The following SLC35F2 variants were observed in gnomAD, a reference collection of about 807,000 sequenced individuals.
SLC35F2 encodes queuine/queuosine transporter SLC35F2.
Under a neutral mutation model 38.1 loss-of-function variants are expected in SLC35F2, and 25 were observed. The ratio of observed to expected loss-of-function variants is 0.66; its 90% confidence interval spans 0.48 to 0.92. The LOEUF (loss-of-function observed/expected upper bound fraction) is 0.92, where lower values mean the gene tolerates loss of function less well. Among genes scored for constraint, SLC35F2 ranks in the 40% least tolerant of loss-of-function variants. SLC35F2 has a pLI of 0.00. For missense variants in SLC35F2, 409 were observed against 452.9 expected (o/e 0.90, Z 0.88); for synonymous variants, 173 against 181.7 (o/e 0.95, Z 0.38).
intron 2 of SLC35F2, among the ~76,000 whole-genome samples, chr11:107,814,470 AAAAG>A (rs1259420728): frequency 6.6e-6 from 1 of 151,934 alleles, no homozygotes; most frequent in Admixed American, 6.6e-5. Context: ...AAAAAAAAAA[AAAAG>A]AAGAAGCTGC....
chr11:107,822,114 A>G (rs1174321578), intron 1 of SLC35F2, among the ~76,000 whole-genome samples: 1 of 152,166 alleles, frequency 6.6e-6, no homozygotes, highest in East Asian at 1.9e-4. Context: ...GTGGTGGCAC[A>G]TGCCTGTAAT....
At chr11:107,792,898 CTTT>C (rs1859155342) in intron 7 of SLC35F2, 98 bp from the exon 8 acceptor site, 3 of 1,363,074 alleles carry the variant, frequency 2.2e-6, no homozygotes, top group Non-Finnish European at 2.8e-6. Flanking sequence ...CTCTCATAAT[CTTT>C]TTATTTTCTT....
intron 1 of SLC35F2, among the ~76,000 whole-genome samples, chr11:107,824,722 AG>A (rs1396850371): frequency 6.6e-6 from 1 of 152,226 alleles, no homozygotes; most frequent in African/African-American, 2.4e-5. Flanking sequence ...AACCTATAAA[AG>A]TACCTAGCAC....
intron 1 of SLC35F2, among the ~76,000 whole-genome samples, chr11:107,839,065 C>T (rs1221163920): frequency 6.6e-6 from 1 of 152,208 alleles, no homozygotes; most frequent in Non-Finnish European, 1.5e-5. Context: ...AGTAAGTCTA[C>T]ATTTTTCCCG....
Position 107,792,161 on chromosome 11 carries a change from C to CAAAAAAA in SLC35F2, c.*447_*453dup, listed in dbSNP as rs11371777. Reference sequence around the variant, plus strand: ...GGCCTGTGGACAATAACTGCCTCAGCAAAAAAAAAAAAAAAAAAAAACCTT... The same window carrying CAAAAAAA: ...GGCCTGTGGACAATAACTGCCTCAGCAAAAAAAAAAAAAAAAAAAAAAAAAAAACCTT... On this transcript the variant is annotated 3_prime_UTR_variant, in exon 8 of 8. Transcript: ENST00000525815. 9 of 78,086 alleles carry CAAAAAAA rather than the reference C, an allele frequency of 1.2e-4. No individual in the cohort carries two copies. The East Asian group carries it at 2.5e-3, about 21-fold the overall frequency. The allele number at this position is 78,086 out of a possible 1,614,324, so 4.8% of individuals were successfully genotyped here. A position where few individuals can be genotyped will look rare whatever the true frequency, so the allele number is the denominator to read the frequency against.
intron 5 of SLC35F2, 38 bp downstream of exon 5, chr11:107,805,321 G>A (rs1180323056): frequency 6.4e-7 from 1 of 1,562,142 alleles, no homozygotes; most frequent in Non-Finnish European, 8.6e-7. Context: ...TAATATATTT[G>A]CTTATTTTGT....
Position 107,848,488 on chromosome 11 carries a change from G to A in SLC35F2, c.110+10170C>T, listed in dbSNP as rs1289299893. On this transcript the variant is annotated intron_variant, in intron 1 of 7. Transcript: ENST00000525815. ...GGCCTCTGGGAGATGATAAGGTCATGAAGGTGGAGTCTACATAAATGGGAT... is the reference window on the plus strand; with the variant it reads ...GGCCTCTGGGAGATGATAAGGTCATAAAGGTGGAGTCTACATAAATGGGAT... 3.3e-5 allele frequency among the ~76,000 whole-genome samples: 5 copies of A among 152,298 alleles called. No individual in the cohort carries two copies. The South Asian group carries it at 6.2e-4, about 19-fold the overall frequency.
intron 1 of SLC35F2, among the ~76,000 whole-genome samples, chr11:107,838,761 T>G (rs1859969145): frequency 1.3e-5 from 2 of 151,806 alleles, no homozygotes; most frequent in South Asian, 4.1e-4. Flanking sequence ...CCCAAGTAGC[T>G]GGGACTACAG....
Position 107,803,019 on chromosome 11 carries a change from G to C in SLC35F2, c.921C>G (p.Leu307=), listed in dbSNP as rs764885011. 8.3e-5 allele frequency: 133 copies of C among 1,611,530 alleles called. 2 individuals carry two copies. The highest frequency in any genetic ancestry group is 8.5e-7 in the Non-Finnish European group (1 of 1,179,414). The change falls in exon 7 of 8, where the codon CTC becomes CTG. Residue 307 remains leucine, a synonymous_variant. Coordinates refer to ENST00000525815, the MANE Select transcript of SLC35F2 (RefSeq NM_017515.5). ...TGTTTACCTTATAGCCAAACAGAAAGAGTCCAACAAAAAGGCTGTAGAGGT... is the reference window on the plus strand; with the variant it reads ...TGTTTACCTTATAGCCAAACAGAAACAGTCCAACAAAAAGGCTGTAGAGGT... ...TADLYSLFVG[L]FLFGYKFSGL...
chr11:107,812,628 C>T (rs972727054), intron 2 of SLC35F2, among the ~76,000 whole-genome samples: 2 of 152,100 alleles, frequency 1.3e-5, no homozygotes, highest in East Asian at 1.9e-4. Context: ...CACCATGGCA[C>T]GTTTATCTAT....
chr11:107,848,913 C>T (rs1860135291), intron 1 of SLC35F2, among the ~76,000 whole-genome samples: 1 of 152,172 alleles, frequency 6.6e-6, no homozygotes, highest in Admixed American at 6.5e-5. Context: ...AAAAGGTTTT[C>T]AGCCTGAGCA....
At chr11:107,797,889 G>T (rs1212116790) in intron 7 of SLC35F2, among the ~76,000 whole-genome samples, 1 of 152,088 alleles carries the variant, frequency 6.6e-6, no homozygotes, top group Non-Finnish European at 1.5e-5. Flanking sequence ...CACATAGCTG[G>T]TGTTTAATAA....
rs1371359564 is a variant in SLC35F2 at position 107,792,732 on chromosome 11, A to G, written c.1008T>C (p.Pro336=). 1 of 1,613,984 alleles carries G rather than the reference A, an allele frequency of 6.2e-7. No individual in the cohort carries two copies. Among genetic ancestry groups the G allele is most frequent in the Non-Finnish European group, 8.5e-7 (1 of 1,179,956 alleles). ...MVGFILYCST[P]TRTAEPAESS... ...TTTCAGCCGGCTCGGCCGTGCGAGT[A>G]GGGGTGGAGCAGTACAGGATAAACC... The change falls in exon 8 of 8, where the codon CCT becomes CCC. Residue 336 remains proline (P), a synonymous_variant. Transcript: ENST00000525815.
At chr11:107,830,845 T>G (rs1287524122) in intron 1 of SLC35F2, among the ~76,000 whole-genome samples, 2 of 152,170 alleles carry the variant, frequency 1.3e-5, no homozygotes, top group African/African-American at 2.4e-5. Flanking sequence ...AACTCATTAT[T>G]ACTTAACAAA....
intron 6 of SLC35F2, 43 bp from the exon 7 acceptor site, chr11:107,803,198 A>C: frequency 6.4e-7 from 1 of 1,556,740 alleles, no homozygotes; most frequent in Non-Finnish European, 8.7e-7. Context: ...GGGCAAGAAA[A>C]CATAAGACAA....
chr11:107,848,779 G>T (rs1030477482), intron 1 of SLC35F2, among the ~76,000 whole-genome samples: 1 of 152,140 alleles, frequency 6.6e-6, no homozygotes, highest in African/African-American at 2.4e-5. Flanking sequence ...CCAGAGGCCA[G>T]CCCAGAAGCC....
chr11:107,854,270 GA>G (rs34425904), intron 1 of SLC35F2, among the ~76,000 whole-genome samples: 5 of 142,006 alleles, frequency 3.5e-5, no homozygotes, highest in Non-Finnish European at 4.6e-5. Flanking sequence ...TGTCTCTACG[GA>G]AAAAAAAAAA....
rs1405761706 is a variant in SLC35F2 at position 107,792,386 on chromosome 11, CAGA to C, written c.*226_*228del. Reference sequence around the variant, plus strand: ...CTGCACCTCATCTCCTCAACACGAACAGATATTGGTCCTCAAACACAGAAACAC... The same window carrying C: ...CTGCACCTCATCTCCTCAACACGAACTATTGGTCCTCAAACACAGAAACAC... On this transcript the variant is annotated 3_prime_UTR_variant, in exon 8 of 8. Coordinates refer to ENST00000525815, the MANE Select transcript of SLC35F2 (RefSeq NM_017515.5). The C allele has an allele frequency of 4.4e-6, 2 of 459,252 alleles. No homozygotes were observed. Among genetic ancestry groups the C allele is most frequent in the Non-Finnish European group, 7.6e-6 (2 of 262,622 alleles). 28.4% of individuals were successfully genotyped at this position (459,252 alleles called of 1,614,324 possible).
At chr11:107,818,072 A>AGAAAGAAAG (rs1188353466) in intron 1 of SLC35F2, among the ~76,000 whole-genome samples, 105 of 68,420 alleles carry the variant, frequency 1.5e-3, no homozygotes, top group Middle Eastern at 9.8e-3. Flanking sequence ...AAAAAAAAAA[A>AGAAAGAAAG]AAAGAAAGAA....
Sources: gnomAD v4.1 joint callset for allele counts (sites outside exome capture counted in the v4.1 genomes callset) on GRCh38, gnomAD v4.1.1 for gene constraint, MANE v1.5 for transcripts, NCBI Gene and HGNC (gene_info 2026-07-23, HGNC 2026-07-21) for gene names.